The following SUSD4 variants were observed in gnomAD, a reference collection of about 807,000 sequenced individuals.
The protein encoded by SUSD4 is sushi domain-containing protein 4.
A neutral mutation model predicts 50.5 loss-of-function variants in SUSD4; 41 were observed. The observed-to-expected ratio is 0.81, with a 90% CI of 0.63 to 1.05. SUSD4 has a LOEUF of 1.05. Among genes scored for constraint, SUSD4 ranks in the 50% least tolerant of loss-of-function variants. The pLI is 0.00. For missense variants in SUSD4, 580 were observed against 634.7 expected (o/e 0.91, Z 0.93); for synonymous variants, 257 against 257.3 (o/e 1.00, Z 0.01).
At chr1:223,277,244 T>A (rs1233548193) in intron 3 of SUSD4, among the ~76,000 whole-genome samples, 1 of 152,160 alleles carries the variant, frequency 6.6e-6, no homozygotes, top group Non-Finnish European at 1.5e-5. Context: ...CCCGGTCAGG[T>A]CTATGGGAGC....
At chr1:223,276,386 A>G (rs1663275996) in intron 3 of SUSD4, among the ~76,000 whole-genome samples, 1 of 152,198 alleles carries the variant, frequency 6.6e-6, no homozygotes, top group African/African-American at 2.4e-5. Flanking sequence ...CACGTGTGCA[A>G]GACCGCATGA....
rs952132990 is a variant in SUSD4 at position 223,221,256 on chromosome 1, G to C, written c.*936C>G. ...TTTCTGTTTTGGAAAATAAATGTAT[G>C]GTTCAATTTGGGGCTGGGGGAACAA... On this transcript the variant is annotated 3_prime_UTR_variant, in exon 9 of 9. Coordinates refer to ENST00000366878, the MANE Select transcript of SUSD4 (RefSeq NM_017982.4). The C allele has an allele frequency of 2.5e-6, 1 of 396,828 alleles. No homozygotes were observed. The highest frequency in any genetic ancestry group is 2.1e-5 in the African/African-American group (1 of 48,748). The allele number at this position is 396,828 out of a possible 1,614,324, so 24.6% of individuals were successfully genotyped here.
intron 2 of SUSD4, among the ~76,000 whole-genome samples, chr1:223,307,141 G>T (rs940833104): frequency 4.1e-4 from 62 of 152,162 alleles, no homozygotes; most frequent in African/African-American, 1.5e-3. Context: ...GATTACAGGC[G>T]TGAGCCACCA....
Position 223,341,957 on chromosome 1 carries a change from G to T in SUSD4, c.148+21321C>A, listed in dbSNP as rs1667784511. 3.3e-5 allele frequency among the ~76,000 whole-genome samples: 5 copies of T among 152,188 alleles called. No individual in the cohort carries two copies. The South Asian group carries it at 1.0e-3, about 32-fold the overall frequency. On this transcript the variant is annotated intron_variant, in intron 2 of 8. Transcript: ENST00000366878. ...CTGGTATGAAACAGAGCTAAAGATCGCTCATTGGCTGGTCACGTCGAGTGT... is the reference window on the plus strand; with the variant it reads ...CTGGTATGAAACAGAGCTAAAGATCTCTCATTGGCTGGTCACGTCGAGTGT...
rs148570892 is a variant in SUSD4, at chr1:223,345,059, T to A, written c.148+18219A>T. Among the ~76,000 whole-genome samples, 49 of 152,372 alleles carry A rather than the reference T, an allele frequency of 3.2e-4. 1 individual carries two copies. The East Asian group carries it at 9.4e-3, about 29-fold the overall frequency. ...AGTAATTTGTTATTAAGTCTACATA[T>A]ACACTATTCCTGTCACACACTGTAA... On this transcript the variant is annotated intron_variant, in intron 2 of 8. Transcript: ENST00000366878.
intron 2 of SUSD4, among the ~76,000 whole-genome samples, chr1:223,307,269 A>G (rs895547075): frequency 2.0e-5 from 3 of 152,212 alleles, no homozygotes; most frequent in African/African-American, 7.2e-5. Flanking sequence ...GTTGTTTTTT[A>G]TGAAATCAAA....
chr1:223,303,455 T>C (rs1309057089), intron 2 of SUSD4, among the ~76,000 whole-genome samples: 3 of 152,208 alleles, frequency 2.0e-5, no homozygotes, highest in Non-Finnish European at 4.4e-5. Flanking sequence ...AGCTTACATC[T>C]AGGACATTCA....
intron 5 of SUSD4, among the ~76,000 whole-genome samples, chr1:223,243,253 C>T (rs369360846): frequency 1.4e-4 from 21 of 152,326 alleles, no homozygotes; most frequent in African/African-American, 2.9e-4. Flanking sequence ...ATCTGCCCCA[C>T]GGGTTTAAGG....
intron 2 of SUSD4, among the ~76,000 whole-genome samples, chr1:223,314,743 C>T (rs963540760): frequency 2.6e-5 from 4 of 152,184 alleles, no homozygotes; most frequent in Admixed American, 6.5e-5. Context: ...CCATGTGAGA[C>T]GTCCCTTTCA....
chr1:223,327,671 G>A (rs1334879808), intron 2 of SUSD4, among the ~76,000 whole-genome samples: 1 of 152,138 alleles, frequency 6.6e-6, no homozygotes, highest in Non-Finnish European at 1.5e-5. Flanking sequence ...CCCATAGGGA[G>A]CCTTCAAGCA....
rs1667357823 is a variant in SUSD4 at position 223,334,647 on chromosome 1, TG to T, written c.148+28630del. On this transcript the variant is annotated intron_variant, in intron 2 of 8. Transcript: ENST00000366878. The stretch of plus-strand genomic sequence containing the variant: ...ACTTCTTATTAGCAAAACTAGAAGC[TG>T]GAAGACTACAGAGTAATGCCTTCAA... 1.3e-5 allele frequency among the ~76,000 whole-genome samples: 2 copies of T among 152,174 alleles called. 1 individual carries two copies. The highest frequency in any genetic ancestry group is 3.8e-4 in the East Asian group (2 of 5,198).
intron 5 of SUSD4, among the ~76,000 whole-genome samples, chr1:223,261,799 T>A (rs1662142084): frequency 2.0e-5 from 3 of 152,122 alleles, no homozygotes; most frequent in African/African-American, 7.2e-5. Context: ...ATAAAACTCT[T>A]AGTGCATTAA....
chr1:223,255,519 A>C (rs983144395), intron 5 of SUSD4, among the ~76,000 whole-genome samples: 1 of 152,196 alleles, frequency 6.6e-6, no homozygotes, highest in Non-Finnish European at 1.5e-5. Context: ...CATAATATGT[A>C]AATATATAAA....
chr1:223,323,358 T>C (rs970908164), intron 2 of SUSD4, among the ~76,000 whole-genome samples: 1 of 152,160 alleles, frequency 6.6e-6, no homozygotes, highest in African/African-American at 2.4e-5. Flanking sequence ...GAAACCAGCA[T>C]GCAAATGCCT....
In SUSD4 at chr1:223,363,617, C is replaced by T. The variant is rs553924270; in HGVS notation, c.-35-157G>A. ...CCGCCCCCTTTCCCACGGCGAGGTC[C>T]CCCGCCTTCCCCCGAGCCGGGTGCA... On this transcript the variant is annotated intron_variant, in intron 1 of 8. Coordinates refer to ENST00000366878, the MANE Select transcript of SUSD4 (RefSeq NM_017982.4). The T allele has an allele frequency of 5.5e-5, 44 of 802,330 alleles. No individual in the cohort carries two copies. In the Admixed American group the frequency reaches 1.2e-3, roughly 21 times the overall value. The allele number at this position is 802,330 out of a possible 1,614,324, so 49.7% of individuals were successfully genotyped here.
At chr1:223,271,791 T>G (rs922903956) in intron 3 of SUSD4, among the ~76,000 whole-genome samples, 3 of 152,218 alleles carry the variant, frequency 2.0e-5, no homozygotes, top group African/African-American at 7.2e-5. Context: ...TTCTCTGTAG[T>G]AGTGAAAAAC....
intron 5 of SUSD4, among the ~76,000 whole-genome samples, chr1:223,245,599 A>G (rs780583138): frequency 4.6e-5 from 7 of 152,172 alleles, no homozygotes; most frequent in Non-Finnish European, 1.0e-4. Context: ...GGATTTTATC[A>G]TAGTGTGAAG....
At chr1:223,300,562 G>C (rs1665122683) in intron 2 of SUSD4, among the ~76,000 whole-genome samples, 1 of 151,976 alleles carries the variant, frequency 6.6e-6, no homozygotes, top group Non-Finnish European at 1.5e-5. Context: ...TAGAGAGGAA[G>C]AGTGTATCAA....
At chr1:223,262,109 G>C (rs1295782832) in intron 5 of SUSD4, among the ~76,000 whole-genome samples, 6 of 152,180 alleles carry the variant, frequency 3.9e-5, no homozygotes, top group Non-Finnish European at 8.8e-5. Context: ...CAGCAGGTTA[G>C]AAAAGAAATT....
Sources: allele counts gnomAD v4.1 joint callset (sites outside exome capture counted in the v4.1 genomes callset), GRCh38; gene constraint gnomAD v4.1.1; transcripts MANE v1.5; gene names NCBI Gene and HGNC (gene_info 2026-07-23, HGNC 2026-07-21).